SUSD6: variants seen among roughly 807,000 people sequenced by gnomAD.
SUSD6 encodes sushi domain-containing protein 6.
A neutral mutation model predicts 28.4 loss-of-function variants in SUSD6; 16 were observed. The ratio of observed to expected loss-of-function variants is 0.56; its 90% CI spans 0.38 to 0.86. The LOEUF is 0.86. SUSD6 is among the 40% of genes least tolerant of loss of function. The probability of loss-of-function intolerance (pLI) is 0.00; values close to 1 mark genes in which losing one functional copy is unlikely to be tolerated. For missense variants in SUSD6, 341 were observed against 384.2 expected (o/e 0.89, Z 0.94); for synonymous variants, 147 against 159.6 (o/e 0.92, Z 0.59).
intron 1 of SUSD6, among the ~76,000 whole-genome samples, chr14:69,616,097 A>G (rs900737013): frequency 6.6e-6 from 1 of 152,232 alleles, no homozygotes; most frequent in Non-Finnish European, 1.5e-5. Flanking sequence ...GATGACAGTA[A>G]TAGATTCTCA....
At chr14:69,620,077 T>C (rs1885015310) in intron 1 of SUSD6, among the ~76,000 whole-genome samples, 1 of 152,268 alleles carries the variant, frequency 6.6e-6, no homozygotes, top group African/African-American at 2.4e-5. Context: ...TCAGTTGGCA[T>C]GCTTGAGCCA....
At chr14:69,618,955 A>G (rs1239269463) in intron 1 of SUSD6, among the ~76,000 whole-genome samples, 9 of 152,192 alleles carry the variant, frequency 5.9e-5, no homozygotes, top group Non-Finnish European at 1.0e-4. Flanking sequence ...AGTTGGAAAA[A>G]TGGGCCTTTG....
intron 1 of SUSD6, among the ~76,000 whole-genome samples, chr14:69,657,660 TTAAA>T (rs1885602945): frequency 6.6e-6 from 1 of 152,124 alleles, no homozygotes; most frequent in Non-Finnish European, 1.5e-5. Context: ...GCAAATGAAA[TTAAA>T]TAAGTTAACT....
intron 1 of SUSD6, among the ~76,000 whole-genome samples, chr14:69,631,801 CAG>C (rs2139597470): frequency 6.6e-6 from 1 of 152,292 alleles, no homozygotes; most frequent in East Asian, 1.9e-4. Flanking sequence ...AAGCCTAACA[CAG>C]GGCGCTGGGA....
chr14:69,684,964 C>T (rs1049274316), intron 2 of SUSD6, among the ~76,000 whole-genome samples: 1 of 152,240 alleles, frequency 6.6e-6, no homozygotes, highest in Admixed American at 6.5e-5. Flanking sequence ...GCTCATACCA[C>T]TCTGAGTTAT....
chr14:69,705,014 A>G (rs1886367757), intron 4 of SUSD6, among the ~76,000 whole-genome samples: 2 of 152,158 alleles, frequency 1.3e-5, no homozygotes, highest in South Asian at 4.1e-4. Flanking sequence ...CCTCTAGATG[A>G]CAACAGAGCT....
intron 2 of SUSD6, among the ~76,000 whole-genome samples, chr14:69,696,687 A>G (rs1886229285): frequency 6.6e-6 from 1 of 152,194 alleles, no homozygotes; most frequent in Non-Finnish European, 1.5e-5. Context: ...CTGCTGGCCA[A>G]GGACTCCTTC....
At chr14:69,632,736 T>A (rs1356876035) in intron 1 of SUSD6, among the ~76,000 whole-genome samples, 1 of 151,832 alleles carries the variant, frequency 6.6e-6, no homozygotes, top group Non-Finnish European at 1.5e-5. Context: ...ATGGCTGAGA[T>A]GACTGACCCT....
At chr14:69,695,727 T>C (rs1445751604) in intron 2 of SUSD6, among the ~76,000 whole-genome samples, 3 of 152,200 alleles carry the variant, frequency 2.0e-5, no homozygotes, top group Non-Finnish European at 4.4e-5. Context: ...AGCAAGTATC[T>C]CAACCCCTGG....
intron 2 of SUSD6, among the ~76,000 whole-genome samples, chr14:69,699,560 T>A (rs891753499): frequency 3.0e-4 from 45 of 151,762 alleles, no homozygotes; most frequent in Non-Finnish European, 6.0e-4. Flanking sequence ...TTTTGGACCC[T>A]TTCTTCTTAG....
At chr14:69,672,855 G>A (rs945932096) in intron 2 of SUSD6, among the ~76,000 whole-genome samples, 2 of 152,228 alleles carry the variant, frequency 1.3e-5, no homozygotes, top group African/African-American at 4.8e-5. Context: ...TGTCCCTTCC[G>A]AAGGCTGGTC....
At chr14:69,679,442 G>C (rs1312659607) in intron 2 of SUSD6, among the ~76,000 whole-genome samples, 2 of 152,156 alleles carry the variant, frequency 1.3e-5, no homozygotes, top group Admixed American at 1.3e-4. Flanking sequence ...ATTGATAGGT[G>C]TAACACACAA....
intron 2 of SUSD6, among the ~76,000 whole-genome samples, chr14:69,678,056 A>G (rs1594714376): frequency 6.6e-6 from 1 of 152,124 alleles, no homozygotes; most frequent in African/African-American, 2.4e-5. Context: ...GTTTTTGGAT[A>G]CTTAAACCTG....
chr14:69,678,665 TG>T (rs1885953146), intron 2 of SUSD6, among the ~76,000 whole-genome samples: 1 of 152,018 alleles, frequency 6.6e-6, no homozygotes, highest in South Asian at 2.1e-4. Flanking sequence ...TAGCCAGGTG[TG>T]GTGGCACATA....
intron 2 of SUSD6, among the ~76,000 whole-genome samples, chr14:69,671,790 T>A (rs1885836641): frequency 6.6e-6 from 1 of 152,166 alleles, no homozygotes; most frequent in African/African-American, 2.4e-5. Flanking sequence ...TCAGGTTTCT[T>A]TGAGTGGCTT....
intron 2 of SUSD6, among the ~76,000 whole-genome samples, chr14:69,685,064 A>C (rs1886052466): frequency 2.0e-5 from 3 of 152,098 alleles, no homozygotes; most frequent in African/African-American, 7.2e-5. Context: ...ACAGTGGGAA[A>C]TTTTCACATT....
At chr14:69,674,772 C>G (rs1270399018) in intron 2 of SUSD6, among the ~76,000 whole-genome samples, 1 of 152,052 alleles carries the variant, frequency 6.6e-6, no homozygotes, top group Non-Finnish European at 1.5e-5. Flanking sequence ...CCTGCCTGGC[C>G]CTGTCTTTTC....
rs1383663924 is a variant in SUSD6 at position 69,708,886 on chromosome 14, G to C, written c.668G>C (p.Cys223Ser). The C allele has an allele frequency of 6.2e-6, 10 of 1,614,080 alleles. No homozygotes were observed. In the Admixed American group the frequency reaches 1.0e-4, roughly 16 times the overall value. Residue 223 changes from cysteine (C) to serine (S), a missense_variant, in exon 5 of 6, where the codon TGC (cysteine) becomes TCC (serine). Physicochemically the swap from Cys to Ser is moderately radical, Grantham distance 112. Coordinates refer to ENST00000342745, the MANE Select transcript of SUSD6 (RefSeq NM_014734.4). Reference sequence around the variant, plus strand: ...CAACAGCTGCCGGACCAAGGGGCCTGCTCCTCTGCAGGTGGAGAAGATGAG... The same window carrying C: ...CAACAGCTGCCGGACCAAGGGGCCTCCTCCTCTGCAGGTGGAGAAGATGAG... ...REQQLPDQGACSSAGGEDEAP... is the reference protein window; with the variant it reads ...REQQLPDQGASSSAGGEDEAP...
intron 1 of SUSD6, among the ~76,000 whole-genome samples, chr14:69,623,481 G>C (rs1016354401): frequency 6.6e-6 from 1 of 152,114 alleles, no homozygotes; most frequent in African/African-American, 2.4e-5. Context: ...AATACTTGAT[G>C]ATAATAACAG....
Sources: gnomAD v4.1 joint callset for allele counts (sites outside exome capture counted in the v4.1 genomes callset) on GRCh38, gnomAD v4.1.1 for gene constraint, MANE v1.5 for transcripts, NCBI Gene and HGNC (gene_info 2026-07-23, HGNC 2026-07-21) for gene names.